The following SYT16 variants were observed in gnomAD, a reference collection of about 807,000 sequenced individuals.
The protein encoded by SYT16 is synaptotagmin-16.
Under a neutral mutation model 61.4 loss-of-function variants are expected in SYT16, and 42 were observed. The observed-to-expected ratio is 0.68, with a 90% CI of 0.53 to 0.89. The LOEUF (loss-of-function observed/expected upper bound fraction) is 0.89. SYT16 is among the 40% of genes least tolerant of loss of function. The probability of loss-of-function intolerance (pLI) is 0.00; values close to 1 mark genes in which losing one functional copy is unlikely to be tolerated. For synonymous variants in SYT16, 314 were observed against 302.3 expected (o/e 1.04, Z -0.40); for missense variants, 804 against 807.3 (o/e 1.00, Z 0.05).
chr14:61,924,575 A>G (rs2049460267), intron 1 of SYT16, among the ~76,000 whole-genome samples: 1 of 152,068 alleles, frequency 6.6e-6, no homozygotes, highest in Non-Finnish European at 1.5e-5. Context: ...CTGTATAAAA[A>G]CCTTTGATGA....
intron 1 of SYT16, among the ~76,000 whole-genome samples, chr14:61,868,260 T>C (rs1302038039): frequency 6.6e-6 from 1 of 151,840 alleles, no homozygotes; most frequent in Non-Finnish European, 1.5e-5. Context: ...TGATTAGAGG[T>C]TTATCAATTT....
At chr14:62,046,093 C>G (rs1476318307) in intron 3 of SYT16, among the ~76,000 whole-genome samples, 1 of 152,160 alleles carries the variant, frequency 6.6e-6, no homozygotes, top group Non-Finnish European at 1.5e-5. Context: ...TCCTATTTCT[C>G]CATATCCTCT....
At chr14:61,893,150 TGG>T (rs2048200030) in intron 1 of SYT16, among the ~76,000 whole-genome samples, 1 of 152,218 alleles carries the variant, frequency 6.6e-6, no homozygotes, top group Admixed American at 6.5e-5. Context: ...GAAGAGATAC[TGG>T]GAAACTTCGT....
chr14:61,894,068 G>A (rs964649434), intron 1 of SYT16, among the ~76,000 whole-genome samples: 1 of 152,170 alleles, frequency 6.6e-6, no homozygotes, highest in Non-Finnish European at 1.5e-5. Flanking sequence ...CAGATTACCT[G>A]AGGTCAGGAG....
intron 3 of SYT16, among the ~76,000 whole-genome samples, chr14:62,009,079 G>C (rs1391300231): frequency 6.6e-6 from 1 of 152,116 alleles, no homozygotes; most frequent in African/African-American, 2.4e-5. Context: ...ATCTTTAGAT[G>C]GTTCATATTG....
chr14:62,096,730 G>A (rs1423027686), intron 7 of SYT16, among the ~76,000 whole-genome samples: 1 of 152,052 alleles, frequency 6.6e-6, no homozygotes, highest in Admixed American at 6.5e-5. Flanking sequence ...ATCCAACATA[G>A]TAATTACCTT....
chr14:61,982,506 A>G (rs915353470), intron 2 of SYT16, among the ~76,000 whole-genome samples: 24 of 152,104 alleles, frequency 1.6e-4, no homozygotes, highest in African/African-American at 5.3e-4. Flanking sequence ...TCACTACCAC[A>G]AGAACAGTAT....
chr14:61,964,902 T>A (rs996296871), intron 1 of SYT16, among the ~76,000 whole-genome samples: 12 of 152,076 alleles, frequency 7.9e-5, no homozygotes. Context: ...TTTTAGCTTT[T>A]TTTTTTTTAG....
intron 1 of SYT16, among the ~76,000 whole-genome samples, chr14:61,921,107 C>A (rs2049318862): frequency 6.6e-6 from 1 of 152,178 alleles, no homozygotes; most frequent in Admixed American, 6.5e-5. Flanking sequence ...TTGTCTCTTG[C>A]CTCCCTTTGG....
intron 1 of SYT16, among the ~76,000 whole-genome samples, chr14:61,895,073 G>T (rs1033514877): frequency 1.3e-5 from 2 of 152,100 alleles, no homozygotes; most frequent in African/African-American, 4.8e-5. Flanking sequence ...AACAACGGGG[G>T]CTCTAGAAAC....
At chr14:61,941,180 C>T (rs369409578) in intron 1 of SYT16, among the ~76,000 whole-genome samples, 5 of 152,248 alleles carry the variant, frequency 3.3e-5, no homozygotes, top group East Asian at 1.9e-4. Flanking sequence ...ATTGCACAAA[C>T]GCCAGCCTCT....
At chr14:62,017,458 T>C (rs895203439) in intron 3 of SYT16, among the ~76,000 whole-genome samples, 1 of 152,192 alleles carries the variant, frequency 6.6e-6, no homozygotes, top group Non-Finnish European at 1.5e-5. Flanking sequence ...ACCTCAAAAT[T>C]AGTGTGTCCA....
chr14:62,049,493 T>G (rs2055168821), intron 3 of SYT16, among the ~76,000 whole-genome samples: 1 of 152,192 alleles, frequency 6.6e-6, no homozygotes, highest in Non-Finnish European at 1.5e-5. Context: ...GTTAATATTG[T>G]TATGTGTGAA....
At chr14:61,983,475 C>G (rs2140570731) in intron 2 of SYT16, among the ~76,000 whole-genome samples, 2 of 152,234 alleles carry the variant, frequency 1.3e-5, no homozygotes, top group Middle Eastern at 6.8e-3. Flanking sequence ...TACTCTGGAT[C>G]TCCTAAACAG....
chr14:61,860,822 G>A (rs996961347), intron 1 of SYT16, among the ~76,000 whole-genome samples: 1 of 151,714 alleles, frequency 6.6e-6, no homozygotes, highest in Non-Finnish European at 1.5e-5. Context: ...TAGCTATGTT[G>A]ATACAGGCAG....
chr14:62,031,168 A>G (rs1291859398), intron 3 of SYT16, among the ~76,000 whole-genome samples: 2 of 152,234 alleles, frequency 1.3e-5, no homozygotes, highest in Non-Finnish European at 2.9e-5. Context: ...GTGTTAAAAA[A>G]TGGAAGGCCA....
At chr14:62,099,662 T>G (rs541025596) in intron 7 of SYT16, among the ~76,000 whole-genome samples, 2 of 152,270 alleles carry the variant, frequency 1.3e-5, no homozygotes, top group East Asian at 3.9e-4. Flanking sequence ...GTGGATGAGA[T>G]GGTCCAAAGG....
At chr14:61,890,117 C>A (rs1051351428) in intron 1 of SYT16, among the ~76,000 whole-genome samples, 16 of 152,310 alleles carry the variant, frequency 1.1e-4, no homozygotes, top group African/African-American at 3.8e-4. Context: ...ATGAGCAAGC[C>A]TTTCTTCCTC....
At chr14:62,044,411 C>T (rs1252764126) in intron 3 of SYT16, among the ~76,000 whole-genome samples, 3 of 152,040 alleles carry the variant, frequency 2.0e-5, no homozygotes, top group Non-Finnish European at 4.4e-5. Flanking sequence ...TTTTAAGCCC[C>T]GCATGCATTA....
Sources: gnomAD v4.1 joint callset for allele counts (sites outside exome capture counted in the v4.1 genomes callset) on GRCh38, gnomAD v4.1.1 for gene constraint, MANE v1.5 for transcripts, NCBI Gene and HGNC (gene_info 2026-07-23, HGNC 2026-07-21) for gene names.